FGD4: variants seen among roughly 807,000 people sequenced by gnomAD.
FGD4 encodes FYVE, RhoGEF and PH domain containing 4.
A neutral mutation model predicts 102.0 loss-of-function variants in FGD4; 42 were observed. The observed-to-expected ratio is 0.41, with a 90% CI of 0.32 to 0.53. The LOEUF is 0.53. Among genes scored for constraint, FGD4 ranks in the 20% least tolerant of loss-of-function variants. FGD4 has a pLI of 0.21. For missense variants in FGD4, 902 were observed against 1,078.2 expected, an observed-to-expected ratio of 0.84 and a Z score of 2.29; for synonymous variants, 380 against 375.7, an observed-to-expected ratio of 1.01 and a Z score of -0.13.
intron 14 of FGD4, among the ~76,000 whole-genome samples, chr12:32,628,330 A>G (rs1048812864): frequency 2.0e-5 from 3 of 152,002 alleles, no homozygotes; most frequent in African/African-American, 4.8e-5. Context: ...ACAAGCCTCA[A>G]TTCTCAGCCC....
intron 1 of FGD4, among the ~76,000 whole-genome samples, chr12:32,444,162 T>C (rs1942540610): frequency 6.6e-6 from 1 of 151,374 alleles, no homozygotes; most frequent in South Asian, 2.1e-4. Flanking sequence ...AAGCTGGAAC[T>C]ACAGGCATGA....
At chr12:32,425,564 T>G (rs1941802517) in intron 1 of FGD4, among the ~76,000 whole-genome samples, 1 of 152,228 alleles carries the variant, frequency 6.6e-6, no homozygotes, top group Non-Finnish European at 1.5e-5. Context: ...AGTTCTTTTT[T>G]GGTTCCATAT....
intron 2 of FGD4, among the ~76,000 whole-genome samples, chr12:32,572,587 A>T (rs1945761068): frequency 6.6e-6 from 1 of 152,240 alleles, no homozygotes; most frequent in Non-Finnish European, 1.5e-5. Flanking sequence ...ATAGAGACTG[A>T]TAATAAACTG....
intron 1 of FGD4, among the ~76,000 whole-genome samples, chr12:32,560,853 C>T (rs1944486965): frequency 6.6e-6 from 1 of 151,842 alleles, no homozygotes; most frequent in African/African-American, 2.4e-5. Context: ...CCACCATGCC[C>T]AGCTAATTTT....
intron 4 of FGD4, among the ~76,000 whole-genome samples, chr12:32,589,448 A>C (rs1361875172): frequency 6.6e-6 from 1 of 152,212 alleles, no homozygotes; most frequent in Non-Finnish European, 1.5e-5. Flanking sequence ...CAAGGTTCTG[A>C]CTTAACAGAA....
At chr12:32,624,317 C>G (rs993575850) in intron 11 of FGD4, 105 bp from the exon 12 acceptor site, 1 of 863,584 alleles carries the variant, frequency 1.2e-6, no homozygotes, top group East Asian at 2.6e-5. Flanking sequence ...TCCATAACAT[C>G]CCTGAATTTT....
intron 1 of FGD4, among the ~76,000 whole-genome samples, chr12:32,463,336 TAAAAC>T (rs1010542687): frequency 3.9e-5 from 6 of 152,196 alleles, no homozygotes; most frequent in Admixed American, 2.6e-4. Flanking sequence ...TTGAAGATCT[TAAAAC>T]AAAAACCCCT....
chr12:32,638,631 T>C (rs375369546), intron 15 of FGD4, 24 bp from the exon 16 acceptor site: 3 of 1,613,892 alleles, frequency 1.9e-6, no homozygotes, highest in Non-Finnish European at 1.7e-6. Flanking sequence ...GTGTTCATTC[T>C]GTCTTTCCAT....
At chr12:32,500,415 T>G (rs1239552508) in intron 1 of FGD4, among the ~76,000 whole-genome samples, 1 of 77,142 alleles carries the variant, frequency 1.3e-5, no homozygotes, top group African/African-American at 3.7e-5. Flanking sequence ...TTATTTTATT[T>G]TATTTTATTT....
intron 3 of FGD4, among the ~76,000 whole-genome samples, chr12:32,577,895 C>T (rs1304673562): frequency 2.0e-5 from 3 of 152,204 alleles, no homozygotes; most frequent in African/African-American, 7.2e-5. Flanking sequence ...TCAGAGCCTG[C>T]ATCCCTAGAT....
chr12:32,509,373 G>T (rs907487810), intron 1 of FGD4, among the ~76,000 whole-genome samples: 8 of 151,160 alleles, frequency 5.3e-5, no homozygotes, highest in Non-Finnish European at 1.0e-4. Context: ...GAATTAATGA[G>T]AAATGTCTTT....
At chr12:32,473,594 C>G (rs1459305264) in intron 1 of FGD4, among the ~76,000 whole-genome samples, 1 of 152,070 alleles carries the variant, frequency 6.6e-6, no homozygotes, top group Non-Finnish European at 1.5e-5. Flanking sequence ...ACACTCACCG[C>G]GAGGGTCTGC....
chr12:32,416,747 G>T (rs1476175521), intron 1 of FGD4, among the ~76,000 whole-genome samples: 1 of 152,010 alleles, frequency 6.6e-6, no homozygotes, highest in Non-Finnish European at 1.5e-5. Context: ...TATTATTTCT[G>T]ATGGGTTCAT....
chr12:32,494,163 C>T (rs753127073), intron 1 of FGD4, among the ~76,000 whole-genome samples: 8 of 152,164 alleles, frequency 5.3e-5, no homozygotes, highest in East Asian at 1.9e-4. Flanking sequence ...CTCAACCTTG[C>T]GAGTAGCTAG....
chr12:32,456,251 T>C (rs1942945925), intron 1 of FGD4, among the ~76,000 whole-genome samples: 1 of 152,192 alleles, frequency 6.6e-6, no homozygotes, highest in Non-Finnish European at 1.5e-5. Context: ...ACTGTAATAG[T>C]GTATACTTTT....
Position 32,399,692 on chromosome 12 carries a change from G to T in FGD4, c.-102G>T. On this transcript the variant is annotated 5_prime_UTR_variant, in exon 1 of 17. Transcript: ENST00000534526. ...AGACGCCGCAGTAGAGGGCGCCCCC[G>T]GAGTCGCGCCGAACCTGGGCATGCA... 1 of 1,463,758 alleles carries T rather than the reference G, an allele frequency of 6.8e-7. No individual in the cohort carries two copies. The highest frequency in any genetic ancestry group is 8.9e-7 in the Non-Finnish European group (1 of 1,118,060). 90.7% of individuals were successfully genotyped at this position (1,463,758 alleles called of 1,614,324 possible).
chr12:32,585,423 C>T (rs1044078071), intron 4 of FGD4, among the ~76,000 whole-genome samples: 2 of 151,784 alleles, frequency 1.3e-5, no homozygotes, highest in African/African-American at 4.8e-5. Flanking sequence ...GTCTCACTCT[C>T]CTGGGCACCA....
intron 1 of FGD4, among the ~76,000 whole-genome samples, chr12:32,466,871 A>C (rs1475965753): frequency 9.5e-4 from 142 of 150,046 alleles, no homozygotes; most frequent in African/African-American, 3.4e-3. Context: ...CTGTCTCAAA[A>C]AAAAAAAAAA....
chr12:32,507,566 G>T (rs10743797), intron 1 of FGD4, among the ~76,000 whole-genome samples: 67,561 of 152,040 alleles, frequency 0.44, 16,508 homozygotes, highest in African/African-American at 0.64. Flanking sequence ...GCATGTTATC[G>T]TTACTTCTCT....
Sources: allele counts gnomAD v4.1 joint callset (sites outside exome capture counted in the v4.1 genomes callset), GRCh38; gene constraint gnomAD v4.1.1; transcripts MANE v1.5; gene names NCBI Gene and HGNC (gene_info 2026-07-23, HGNC 2026-07-21).